The following DHRS7B variants were observed in gnomAD, a reference collection of about 807,000 sequenced individuals.
DHRS7B encodes dehydrogenase/reductase 7B.
Under a neutral mutation model 26.4 loss-of-function variants are expected in DHRS7B, and 24 were observed. The ratio of observed to expected loss-of-function variants is 0.91; its 90% CI spans 0.66 to 1.28. The LOEUF is 1.28. Among genes scored for constraint, DHRS7B ranks in the 50% most tolerant of loss-of-function variants. The pLI is 0.00. For missense variants in DHRS7B, 368 were observed against 419.4 expected (o/e 0.88, Z 1.07); for synonymous variants, 142 against 166.4 (o/e 0.85, Z 1.13).
chr17:21,139,238 A>G (rs1973435121), intron 1 of DHRS7B, among the ~76,000 whole-genome samples: 1 of 152,230 alleles, frequency 6.6e-6, no homozygotes, highest in African/African-American at 2.4e-5. Flanking sequence ...TTTAAGATGC[A>G]GCTATTTTCA....
At chr17:21,137,460 ATTT>A (rs996135932) in intron 1 of DHRS7B, among the ~76,000 whole-genome samples, 1 of 132,846 alleles carries the variant, frequency 7.5e-6, no homozygotes, top group Admixed American at 7.4e-5. Context: ...CGCCTGGCTA[ATTT>A]TTTTTTTTTT....
chr17:21,177,613 C>T (rs1034373811), intron 2 of DHRS7B, among the ~76,000 whole-genome samples: 4 of 152,198 alleles, frequency 2.6e-5, no homozygotes, highest in African/African-American at 9.7e-5. Flanking sequence ...CTTGCGTGCA[C>T]TGACTTGACC....
chr17:21,166,417 C>T (rs918992923), intron 1 of DHRS7B: 34 of 985,180 alleles, frequency 3.5e-5, no homozygotes, highest in South Asian at 4.7e-5. Context: ...GGTCAAAAGA[C>T]CAGAGAAGAC....
chr17:21,157,450 C>G (rs1465635521), intron 1 of DHRS7B, among the ~76,000 whole-genome samples: 1 of 152,150 alleles, frequency 6.6e-6, no homozygotes, highest in East Asian at 1.9e-4. Flanking sequence ...AATCCCAGCA[C>G]GTTGGGAGGG....
intron 1 of DHRS7B, among the ~76,000 whole-genome samples, chr17:21,139,933 C>A (rs1973452236): frequency 6.7e-6 from 1 of 149,918 alleles, no homozygotes; most frequent in Non-Finnish European, 1.5e-5. Flanking sequence ...ATTGTGTACA[C>A]AACACATACA....
intron 1 of DHRS7B, among the ~76,000 whole-genome samples, chr17:21,139,667 T>A (rs555225191): frequency 7.9e-5 from 12 of 150,950 alleles, no homozygotes; most frequent in African/African-American, 2.9e-4. Flanking sequence ...AGAGCGAGAC[T>A]CCATCTCAAA....
Position 21,127,088 on chromosome 17 carries a change from G to A in DHRS7B, c.20+97G>A, listed in dbSNP as rs1390137424. ...GGCTTGGGTGAGGGGAAGCGGTGTA[G>A]TGGTCGAGCTAAGGCCGCGGGCCCT... is the stretch of plus-strand genomic sequence containing the variant. On this transcript the variant is annotated intron_variant, in intron 1 of 6. Transcript: ENST00000395511. 7.5e-6 allele frequency: 10 copies of A among 1,340,940 alleles called. No homozygotes were observed. In the African/African-American group the frequency reaches 1.6e-4, roughly 21 times the overall value. 83.1% of individuals were successfully genotyped at this position (1,340,940 alleles called of 1,614,324 possible). A position where few individuals can be genotyped will look rare whatever the true frequency, so the allele number is the denominator to read the frequency against.
At chr17:21,133,706 CATGGT>C in intron 1 of DHRS7B, among the ~76,000 whole-genome samples, 1 of 152,164 alleles carries the variant, frequency 6.6e-6, no homozygotes, top group East Asian at 1.9e-4. Flanking sequence ...TCTGATCTCT[CATGGT>C]TAGGATGGTT....
intron 4 of DHRS7B, 120 bp from the exon 5 acceptor site, chr17:21,184,251 G>T: frequency 1.2e-6 from 1 of 845,290 alleles, no homozygotes. Context: ...TCTACCCTAA[G>T]GGGTTTTCAC....
chr17:21,169,829 G>T (rs894550494), intron 1 of DHRS7B, among the ~76,000 whole-genome samples: 2 of 152,028 alleles, frequency 1.3e-5, no homozygotes, highest in Admixed American at 1.3e-4. Context: ...CCCGGCCCCA[G>T]AGGCTGAGCC....
chr17:21,147,307 A>G (rs1317528114), intron 1 of DHRS7B, among the ~76,000 whole-genome samples: 2 of 152,172 alleles, frequency 1.3e-5, no homozygotes, highest in African/African-American at 4.8e-5. Flanking sequence ...GGGGCCCTGA[A>G]GTACACATGG....
At chr17:21,183,370 A>G (rs1406743102) in intron 3 of DHRS7B, among the ~76,000 whole-genome samples, 1 of 151,992 alleles carries the variant, frequency 6.6e-6, no homozygotes, top group Non-Finnish European at 1.5e-5. Flanking sequence ...TTTTGGCTTC[A>G]TTGATTTTTA....
At chr17:21,165,593 G>A (rs1256867927) in intron 1 of DHRS7B, among the ~76,000 whole-genome samples, 1 of 152,146 alleles carries the variant, frequency 6.6e-6, no homozygotes, top group East Asian at 1.9e-4. Flanking sequence ...AAAATGGTGA[G>A]ATTACAGGTG....
intron 5 of DHRS7B, among the ~76,000 whole-genome samples, chr17:21,188,134 G>A (rs985190622): frequency 4.6e-5 from 7 of 152,148 alleles, no homozygotes; most frequent in Non-Finnish European, 8.8e-5. Flanking sequence ...ACAGGTGTGA[G>A]CCACCGCGCC....
chr17:21,129,640 G>A (rs1437852041), intron 1 of DHRS7B, among the ~76,000 whole-genome samples: 8 of 145,162 alleles, frequency 5.5e-5, no homozygotes, highest in African/African-American at 1.8e-4. Flanking sequence ...AGGAGTTTGC[G>A]GCTACAGTAA....
Position 21,191,146 on chromosome 17 carries a change from A to G in DHRS7B, c.971A>G (p.Asn324Ser). 1 of 1,613,166 alleles carries G rather than the reference A, an allele frequency of 6.2e-7. No homozygotes were observed. Among genetic ancestry groups the G allele is most frequent in the Non-Finnish European group, 8.5e-7 (1 of 1,179,998 alleles). Residue 324 changes from asparagine to serine, a missense_variant, in exon 7 of 7, where the codon AAC becomes AGC. By Grantham distance (46) the Asn-to-Ser change is conservative (BLOSUM62 1). Transcript: ENST00000395511. ...GCCAGAAAAGAGCGGAAATCCAAGA[A>G]CTCCTAGTACTCTGACCAGCCAGGG... ...SRARKERKSK[N>S]S
chr17:21,161,263 G>A (rs1290007090), intron 1 of DHRS7B, among the ~76,000 whole-genome samples: 1 of 152,208 alleles, frequency 6.6e-6, no homozygotes, highest in Non-Finnish European at 1.5e-5. Context: ...ACCGGTGAGG[G>A]ATGTGGATAA....
At chr17:21,145,256 G>A (rs566141308) in intron 1 of DHRS7B, among the ~76,000 whole-genome samples, 1 of 152,004 alleles carries the variant, frequency 6.6e-6, no homozygotes, top group Non-Finnish European at 1.5e-5. Flanking sequence ...CCCCGGAGGT[G>A]GAGCTTGGAG....
At chr17:21,183,337 G>A (rs1209253441) in intron 3 of DHRS7B, among the ~76,000 whole-genome samples, 2 of 151,570 alleles carry the variant, frequency 1.3e-5, no homozygotes, top group Non-Finnish European at 2.9e-5. Flanking sequence ...TCTCAATTTT[G>A]TTGATCTTTT....
Sources: allele counts gnomAD v4.1 joint callset (sites outside exome capture counted in the v4.1 genomes callset), GRCh38; gene constraint gnomAD v4.1.1; transcripts MANE v1.5; gene names NCBI Gene and HGNC (gene_info 2026-07-23, HGNC 2026-07-21).